The following CSMD1 variants were observed in gnomAD, a reference collection of about 807,000 sequenced individuals.
CSMD1 encodes the protein CUB and sushi domain-containing protein 1.
A neutral mutation model predicts 417.5 loss-of-function variants in CSMD1; 213 were observed. The observed-to-expected ratio is 0.51, with a 90% CI of 0.46 to 0.57. CSMD1 has a LOEUF of 0.57. Ranked by LOEUF, CSMD1 falls within the 20% of genes least tolerant of loss-of-function variation. The probability of loss-of-function intolerance (pLI) is 0.00; values close to 1 mark genes in which losing one functional copy is unlikely to be tolerated. For missense variants in CSMD1, 6,923 were observed against 4,529.7 expected, an observed-to-expected ratio of 1.53 and a Z score of -15.17; for synonymous variants, 2,862 against 1,736.8, an observed-to-expected ratio of 1.65 and a Z score of -16.11.
At chr8:3,783,466 G>A (rs1007239536) in intron 5 of CSMD1, among the ~76,000 whole-genome samples, 6 of 152,186 alleles carry the variant, frequency 3.9e-5, no homozygotes, top group Non-Finnish European at 8.8e-5. Flanking sequence ...AGAAGCATTG[G>A]CGGGCTGTGA....
intron 3 of CSMD1, among the ~76,000 whole-genome samples, chr8:4,344,475 C>T (rs1017614612): frequency 1.2e-4 from 18 of 151,688 alleles, no homozygotes; most frequent in Non-Finnish European, 1.9e-4. Flanking sequence ...AAATGTCTAC[C>T]TCTATCTCTC....
At chr8:4,374,959 G>T (rs989953098) in intron 3 of CSMD1, among the ~76,000 whole-genome samples, 2 of 116,574 alleles carry the variant, frequency 1.7e-5, no homozygotes, top group Admixed American at 8.5e-5. Context: ...ACAAAGGTGG[G>T]GTGGGGGGGG....
intron 25 of CSMD1, among the ~76,000 whole-genome samples, chr8:3,304,443 A>G (rs1209326819): frequency 6.6e-6 from 1 of 152,166 alleles, no homozygotes; most frequent in Middle Eastern, 3.2e-3. Context: ...TTGCCAGATC[A>G]CCATACTAAA....
intron 26 of CSMD1, among the ~76,000 whole-genome samples, chr8:3,269,560 C>A (rs543985831): frequency 6.6e-6 from 1 of 152,218 alleles, no homozygotes; most frequent in African/African-American, 2.4e-5. Flanking sequence ...TGTTACATTA[C>A]TACCACTATT....
At chr8:3,798,871 C>G (rs1800307176) in intron 5 of CSMD1, among the ~76,000 whole-genome samples, 1 of 151,570 alleles carries the variant, frequency 6.6e-6, no homozygotes, top group South Asian at 2.1e-4. Flanking sequence ...TTCCTTTGTT[C>G]ATACAGACAT....
At chr8:4,970,186 C>A (rs533836852) in intron 1 of CSMD1, among the ~76,000 whole-genome samples, 20 of 151,984 alleles carry the variant, frequency 1.3e-4, no homozygotes, top group Admixed American at 3.3e-4. Flanking sequence ...AGAGGGAGAA[C>A]TTGACTTCAG....
chr8:3,919,764 A>G (rs1664489919), intron 5 of CSMD1, among the ~76,000 whole-genome samples: 1 of 152,144 alleles, frequency 6.6e-6, no homozygotes, highest in South Asian at 2.1e-4. Flanking sequence ...CCAATCCAGG[A>G]ACACAAGCTA....
At chr8:3,484,661 C>G (rs1190088776) in intron 11 of CSMD1, among the ~76,000 whole-genome samples, 2 of 152,124 alleles carry the variant, frequency 1.3e-5, no homozygotes, top group Non-Finnish European at 2.9e-5. Context: ...AAGCCGCAGA[C>G]TGAGAAAAAA....
chr8:3,728,178 C>G (rs201919363), intron 6 of CSMD1, among the ~76,000 whole-genome samples: 1 of 152,186 alleles, frequency 6.6e-6, no homozygotes, highest in East Asian at 1.9e-4. Flanking sequence ...TGCCCCCATA[C>G]TGTTCTCATG....
chr8:3,167,451 T>C (rs573530968), intron 37 of CSMD1, among the ~76,000 whole-genome samples: 28 of 152,302 alleles, frequency 1.8e-4, no homozygotes, highest in African/African-American at 6.5e-4. Flanking sequence ...TCTTGTGCAA[T>C]CTACACATTT....
chr8:3,927,023 T>A (rs1372099032), intron 5 of CSMD1, among the ~76,000 whole-genome samples: 1 of 151,960 alleles, frequency 6.6e-6, no homozygotes, highest in African/African-American at 2.4e-5. Context: ...CAAATTGGCA[T>A]CTTTAAAAGT....
intron 37 of CSMD1, 113 bp downstream of exon 37, chr8:3,180,997 A>C: frequency 8.4e-6 from 6 of 711,264 alleles, no homozygotes; most frequent in Non-Finnish European, 1.4e-5. Context: ...CAAGTCTTTC[A>C]CAGTTTTAGA....
chr8:4,946,252 T>C (rs974441353), intron 1 of CSMD1, among the ~76,000 whole-genome samples: 2 of 152,220 alleles, frequency 1.3e-5, no homozygotes, highest in Non-Finnish European at 2.9e-5. Context: ...CAGAGACTGA[T>C]GCTTTTGGTC....
rs149583717 is a variant in CSMD1 at position 3,175,507 on chromosome 8, G to GCCTGCCTGCCTGCCTGCCTT, written c.5725+5602_5725+5603insAAGGCAGGCAGGCAGGCAGG. Among the ~76,000 whole-genome samples, 893 of 125,888 alleles carry GCCTGCCTGCCTGCCTGCCTT rather than the reference G, an allele frequency of 7.1e-3. 5 individuals are homozygous for GCCTGCCTGCCTGCCTGCCTT. Among genetic ancestry groups the GCCTGCCTGCCTGCCTGCCTT allele is most frequent in the Non-Finnish European group, 9.6e-3 (589 of 61,278 alleles). The allele number at this position is 125,888 out of a possible 152,430, so 82.6% of individuals were successfully genotyped here. A position where few individuals can be genotyped will look rare whatever the true frequency, so the allele number is the denominator to read the frequency against. ...TTCCTGCCTGCCTGCCTGCCTGCCT[G>GCCTGCCTGCCTGCCTGCCTT]CCTTTTTTCCTTCCTTCCTTCCTTC... On this transcript the variant is annotated intron_variant, in intron 37 of 69. Transcript: ENST00000635120.
At chr8:3,505,008 A>T (rs574323212) in intron 10 of CSMD1, among the ~76,000 whole-genome samples, 2,020 of 80,928 alleles carry the variant, frequency 0.025, 28 homozygotes, top group Admixed American at 0.048. Context: ...AGTGATGGAG[A>T]AACAGTTAAA....
intron 1 of CSMD1, among the ~76,000 whole-genome samples, chr8:4,964,165 A>G (rs755764560): frequency 4.9e-4 from 75 of 152,032 alleles, no homozygotes; most frequent in Non-Finnish European, 8.5e-4. Flanking sequence ...AGGACCAAGG[A>G]GGAGATAAGA....
chr8:3,609,758 T>G, intron 8 of CSMD1, among the ~76,000 whole-genome samples: 1 of 149,492 alleles, frequency 6.7e-6, no homozygotes, highest in Non-Finnish European at 1.5e-5. Flanking sequence ...AAAACCGAAT[T>G]ACCTTTCATT....
Position 4,446,982 on chromosome 8 carries a change from T to C in CSMD1, c.303-26917A>G, listed in dbSNP as rs73660838. The stretch of plus-strand genomic sequence containing the variant: ...CCCTACAAAAACAGCAGGAGATGAC[T>C]GGGTGGAGTGGTAAGAAACTGTTGC... On this transcript the variant is annotated intron_variant, in intron 2 of 69. Transcript: ENST00000635120. Among the ~76,000 whole-genome samples, 4 of 150,670 alleles carry C rather than the reference T, an allele frequency of 2.7e-5. No individual in the cohort carries two copies. In the East Asian group the frequency reaches 7.8e-4, roughly 29 times the overall value.
intron 7 of CSMD1, among the ~76,000 whole-genome samples, chr8:3,688,357 C>T (rs1585078045): frequency 6.6e-6 from 1 of 152,060 alleles, no homozygotes; most frequent in Non-Finnish European, 1.5e-5. Context: ...TTTAATCATC[C>T]AGTGATATTT....
Sources: allele counts gnomAD v4.1 joint callset (sites outside exome capture counted in the v4.1 genomes callset), GRCh38; gene constraint gnomAD v4.1.1; transcripts MANE v1.5; gene names NCBI Gene and HGNC (gene_info 2026-07-23, HGNC 2026-07-21).